Variants in AKAP6 observed in about 807,000 individuals in gnomAD.
AKAP6 encodes the protein A-kinase anchoring protein 6, also known as A-kinase anchor protein 6.
A neutral mutation model predicts 188.5 loss-of-function variants in AKAP6; 58 were observed. The ratio of observed to expected loss-of-function variants is 0.31; its 90% CI spans 0.25 to 0.38. AKAP6 has a LOEUF of 0.38. Ranked by LOEUF, AKAP6 falls within the 10% of genes least tolerant of loss-of-function variation. AKAP6 has a pLI of 1.00. For missense variants in AKAP6, 2,710 were observed against 2,740.0 expected, an observed-to-expected ratio of 0.99 and a Z score of 0.24; for synonymous variants, 989 against 998.6, an observed-to-expected ratio of 0.99 and a Z score of 0.18.
chr14:32,739,998 A>G (rs2031603221), intron 11 of AKAP6, among the ~76,000 whole-genome samples: 1 of 152,098 alleles, frequency 6.6e-6, no homozygotes, highest in African/African-American at 2.4e-5. Flanking sequence ...CCAACAGTGA[A>G]CAAAAGTTCC....
chr14:32,527,233 A>C (rs1487468721), intron 2 of AKAP6, among the ~76,000 whole-genome samples: 1 of 152,196 alleles, frequency 6.6e-6, no homozygotes, highest in Non-Finnish European at 1.5e-5. Context: ...TTAGTAATAT[A>C]CATTTAAGGT....
intron 12 of AKAP6, among the ~76,000 whole-genome samples, chr14:32,796,083 A>G (rs1390803331): frequency 2.6e-5 from 4 of 152,222 alleles, no homozygotes; most frequent in Non-Finnish European, 4.4e-5. Flanking sequence ...AAGGGAAGTG[A>G]AAGACCTCCT....
At chr14:32,379,794 A>G (rs1888286549) in intron 1 of AKAP6, among the ~76,000 whole-genome samples, 1 of 152,160 alleles carries the variant, frequency 6.6e-6, no homozygotes, top group South Asian at 2.1e-4. Context: ...ATCACCTTCC[A>G]TCTAGCTTCC....
At chr14:32,520,760 G>C (rs977539648) in intron 2 of AKAP6, among the ~76,000 whole-genome samples, 2 of 152,140 alleles carry the variant, frequency 1.3e-5, no homozygotes, top group Non-Finnish European at 2.9e-5. Flanking sequence ...AATTCTACCA[G>C]AGGTACAAAG....
intron 12 of AKAP6, among the ~76,000 whole-genome samples, chr14:32,814,054 T>C (rs79687999): frequency 0.02 from 3,035 of 152,214 alleles, 45 homozygotes; most frequent in Non-Finnish European, 0.034. Flanking sequence ...TGTTGAACAG[T>C]ACCTGACAGG....
In AKAP6 at chr14:32,716,354, G is replaced by GTA. The variant is rs568875056; in HGVS notation, c.3001-16090_3001-16089dup. Among the ~76,000 whole-genome samples, 67 of 151,262 alleles carry GTA rather than the reference G, an allele frequency of 4.4e-4. 2 individuals are homozygous for GTA. In the South Asian group the frequency reaches 7.5e-3, roughly 17 times the overall value. ...AGAAAAATAGTAAAACTTTGTCACTGTATATATATATGCACTGTATGTATT... is the reference window on the plus strand; with the variant it reads ...AGAAAAATAGTAAAACTTTGTCACTGTATATATATATATGCACTGTATGTATT... On this transcript the variant is annotated intron_variant, in intron 9 of 13. Coordinates refer to ENST00000280979, the MANE Select transcript of AKAP6 (RefSeq NM_004274.5).
chr14:32,342,384 C>A (rs1043460914), intron 1 of AKAP6, among the ~76,000 whole-genome samples: 2 of 152,148 alleles, frequency 1.3e-5, no homozygotes, highest in East Asian at 1.9e-4. Flanking sequence ...TCCATGTCTA[C>A]CCTCACCTAA....
chr14:32,343,612 A>G lies in AKAP6; in HGVS notation c.-35+14204A>G, dbSNP rs554424795. On this transcript the variant is annotated intron_variant, in intron 1 of 13. Transcript: ENST00000280979. ...AAATACAAAAAATTAGCCAGGCATG[A>G]TGGCAGGCGCCTGTAGTCCCAGCTA... Among the ~76,000 whole-genome samples, 4 of 151,632 alleles carry G rather than the reference A, an allele frequency of 2.6e-5. No individual in the cohort carries two copies. The East Asian group carries it at 7.8e-4, about 30-fold the overall frequency.
At chr14:32,434,452 C>T (rs1176456765) in intron 2 of AKAP6, among the ~76,000 whole-genome samples, 1 of 152,128 alleles carries the variant, frequency 6.6e-6, no homozygotes, top group African/African-American at 2.4e-5. Flanking sequence ...CTACTAATAG[C>T]GTTTTTGGCC....
rs142769311 is a variant in AKAP6 at position 32,822,043 on chromosome 14, G to A, written c.4230G>A (p.Lys1410=). 899 of 1,613,888 alleles carry A rather than the reference G, an allele frequency of 5.6e-4. 17 individuals carry two copies. The South Asian group carries it at 7.9e-3, about 14-fold the overall frequency. The change falls in exon 13 of 14, where the codon AAG becomes AAA. Residue 1410 remains lysine (K), a synonymous_variant. Coordinates refer to ENST00000280979, the MANE Select transcript of AKAP6 (RefSeq NM_004274.5). ...TGGGAGATGCAGTTAACGTGTTAAA[G>A]CAAAAATTTACAGATGAGGGGGAAA... The part of the protein sequence containing the change: ...PQMGDAVNVL[K]QKFTDEGESI...
intron 1 of AKAP6, among the ~76,000 whole-genome samples, chr14:32,403,579 C>T (rs536522136): frequency 6.6e-6 from 1 of 152,300 alleles, no homozygotes; most frequent in African/African-American, 2.4e-5. Context: ...TACTTACTAG[C>T]TGTGTGACCT....
chr14:32,810,358 G>A (rs997554858), intron 12 of AKAP6, among the ~76,000 whole-genome samples: 3 of 151,886 alleles, frequency 2.0e-5, no homozygotes, highest in African/African-American at 7.3e-5. Flanking sequence ...TTGGGTTACA[G>A]TTTGAATTAA....
At chr14:32,744,440 A>C (rs1402114920) in intron 11 of AKAP6, among the ~76,000 whole-genome samples, 1 of 151,810 alleles carries the variant, frequency 6.6e-6, no homozygotes, top group Non-Finnish European at 1.5e-5. Flanking sequence ...CCTCAGCCTC[A>C]TGAGTAGCTG....
intron 5 of AKAP6, among the ~76,000 whole-genome samples, chr14:32,583,508 T>C (rs1026614205): frequency 1.3e-5 from 2 of 152,214 alleles, no homozygotes; most frequent in African/African-American, 4.8e-5. Context: ...TTCAAAGGTG[T>C]CAGACAGGGA....
intron 11 of AKAP6, among the ~76,000 whole-genome samples, chr14:32,750,506 G>C (rs2032082693): frequency 6.6e-6 from 1 of 151,742 alleles, no homozygotes; most frequent in East Asian, 1.9e-4. Context: ...AGGATCACTT[G>C]ACGTCAGGAG....
chr14:32,758,327 C>G (rs771927853), intron 11 of AKAP6, among the ~76,000 whole-genome samples: 2 of 152,208 alleles, frequency 1.3e-5, no homozygotes, highest in Non-Finnish European at 2.9e-5. Flanking sequence ...AGTCCAGTAA[C>G]GTTGAACCAT....
chr14:32,811,399 A>G (rs2034230906), intron 12 of AKAP6, among the ~76,000 whole-genome samples: 1 of 152,146 alleles, frequency 6.6e-6, no homozygotes, highest in African/African-American at 2.4e-5. Context: ...ATCATACTCT[A>G]TTTATTTGAG....
At chr14:32,540,062 A>G (rs1420412471) in intron 3 of AKAP6, among the ~76,000 whole-genome samples, 5 of 150,742 alleles carry the variant, frequency 3.3e-5, no homozygotes, top group African/African-American at 1.2e-4. Flanking sequence ...TTAATTATGG[A>G]AAAGGAACAG....
chr14:32,654,690 A>G (rs780590443), intron 7 of AKAP6, among the ~76,000 whole-genome samples: 2 of 151,740 alleles, frequency 1.3e-5, no homozygotes, highest in Non-Finnish European at 2.9e-5. Flanking sequence ...ACTGAAAAAA[A>G]AAAAAAAAAT....
Sources: gnomAD v4.1 joint callset for allele counts (sites outside exome capture counted in the v4.1 genomes callset) on GRCh38, gnomAD v4.1.1 for gene constraint, MANE v1.5 for transcripts, NCBI Gene and HGNC (gene_info 2026-07-23, HGNC 2026-07-21) for gene names.